KLHL7: variants seen among roughly 807,000 people sequenced by gnomAD.
The protein encoded by KLHL7 is kelch-like protein 7.
KLHL7 carries 44 observed loss-of-function variants against 67.4 expected under a neutral mutation model. The observed-to-expected ratio is 0.65, with a 90% CI of 0.51 to 0.84. The LOEUF (loss-of-function observed/expected upper bound fraction) is 0.84. Among genes scored for constraint, KLHL7 ranks in the 40% least tolerant of loss-of-function variants. The pLI is 0.00. For missense variants in KLHL7, 362 were observed against 718.1 expected (o/e 0.50, Z 5.67); for synonymous variants, 252 against 243.3 (o/e 1.04, Z -0.33).
chr7:23,143,559 C>T (rs1042606847), intron 5 of KLHL7, among the ~76,000 whole-genome samples: 8 of 149,354 alleles, frequency 5.4e-5, no homozygotes, highest in Non-Finnish European at 8.9e-5. Flanking sequence ...CAATGTATAT[C>T]ATGTCTTTGT....
chr7:23,151,954 TATC>T lies in KLHL7; in HGVS notation c.794-110_794-108del. 4.1e-6 allele frequency: 4 copies of T among 971,414 alleles called. No individual in the cohort carries two copies. The South Asian group carries it at 5.4e-5, about 13-fold the overall frequency. The allele number at this position is 971,414 out of a possible 1,614,324, so 60.2% of individuals were successfully genotyped here. ...TCACTTTCCTCAAATGCTATAGAGA[TATC>T]ATAAAAGTAAGTTACTGAAATAAAG... is the stretch of plus-strand genomic sequence containing the variant. On this transcript the variant is annotated intron_variant, in intron 6 of 10. Coordinates refer to ENST00000339077, the MANE Select transcript of KLHL7 (RefSeq NM_001031710.3).
chr7:23,132,691 G>T (rs947628736), intron 4 of KLHL7, among the ~76,000 whole-genome samples: 1 of 152,158 alleles, frequency 6.6e-6, no homozygotes, highest in East Asian at 1.9e-4. Flanking sequence ...GCCTCTGCTT[G>T]TGGGGTATTG....
chr7:23,140,430 A>G (rs1784136873), intron 4 of KLHL7, among the ~76,000 whole-genome samples: 3 of 152,158 alleles, frequency 2.0e-5, no homozygotes, highest in Non-Finnish European at 1.5e-5. Flanking sequence ...GGTGGCGAGC[A>G]CCTGTAGTCC....
intron 7 of KLHL7, among the ~76,000 whole-genome samples, chr7:23,154,199 C>T (rs1211188960): frequency 3.3e-5 from 5 of 152,004 alleles, no homozygotes. Context: ...ACTAAAAATA[C>T]AAAAAATTGG....
chr7:23,167,029 C>T (rs776042593), intron 8 of KLHL7, among the ~76,000 whole-genome samples: 65 of 151,842 alleles, frequency 4.3e-4, no homozygotes, highest in Non-Finnish European at 8.0e-4. Flanking sequence ...TTAGTTGCAA[C>T]GCAGAATTAT....
intron 4 of KLHL7, among the ~76,000 whole-genome samples, chr7:23,139,338 T>G (rs910913017): frequency 4.6e-5 from 7 of 152,248 alleles, no homozygotes; most frequent in Non-Finnish European, 8.8e-5. Context: ...GTAACATAAT[T>G]TACTATGCTA....
In KLHL7 at chr7:23,143,894, A is replaced by C; in HGVS notation, c.662A>C (p.Asn221Thr). 1 of 1,614,156 alleles carries C rather than the reference A, an allele frequency of 6.2e-7. No homozygotes were observed. Residue 221 changes from asparagine (N) to threonine (T), a missense_variant, in exon 6 of 11, where the codon AAT (asparagine) becomes ACT (threonine). Asn to Thr is a moderately conservative substitution (Grantham distance 65). Transcript: ENST00000339077. ...AGGTGGTTGAAATACGATGAACCTA[A>C]TCGCCAGCCATTTATGGTTGATATC... ...AVRWLKYDEP[N>T]RQPFMVDILA...
At position 23,105,929 on chromosome 7, in the gene KLHL7, G is replaced by C; in HGVS notation, c.-98G>C. ...AGCTGGGCGCTGCAGCTGCACTGCCGATCGCCGTGTTTGGTCGATAGAATC... is the reference window on the plus strand; with the variant it reads ...AGCTGGGCGCTGCAGCTGCACTGCCCATCGCCGTGTTTGGTCGATAGAATC... On this transcript the variant is annotated 5_prime_UTR_variant, in exon 1 of 11. Transcript: ENST00000339077. 2 of 1,527,096 alleles carry C rather than the reference G, an allele frequency of 1.3e-6. No homozygotes were observed. The highest frequency in any genetic ancestry group is 1.8e-6 in the Non-Finnish European group (2 of 1,135,014). The allele number at this position is 1,527,096 out of a possible 1,614,324, so 94.6% of individuals were successfully genotyped here. A position where few individuals can be genotyped will look rare whatever the true frequency, so the allele number is the denominator to read the frequency against.
intron 9 of KLHL7, among the ~76,000 whole-genome samples, chr7:23,168,260 T>C (rs1050770289): frequency 6.6e-6 from 1 of 152,216 alleles, no homozygotes; most frequent in Non-Finnish European, 1.5e-5. Context: ...TCTTTCTTTC[T>C]GGTTCTGCGT....
At chr7:23,155,056 C>T (rs1784658448) in intron 7 of KLHL7, among the ~76,000 whole-genome samples, 1 of 152,200 alleles carries the variant, frequency 6.6e-6, no homozygotes, top group South Asian at 2.1e-4. Context: ...TTGTTAATCA[C>T]CATCATATTT....
intron 8 of KLHL7, among the ~76,000 whole-genome samples, chr7:23,166,662 C>G (rs1785011332): frequency 6.6e-6 from 1 of 152,162 alleles, no homozygotes; most frequent in Non-Finnish European, 1.5e-5. Context: ...AACTATATGT[C>G]AAATGAATAC....
In KLHL7 at chr7:23,140,822, G is replaced by C; in HGVS notation, c.496G>C (p.Asp166His). 1 of 1,613,976 alleles carries C rather than the reference G, an allele frequency of 6.2e-7. No homozygotes were observed. The highest frequency in any genetic ancestry group is 1.1e-5 in the South Asian group (1 of 91,086). ...TTGTCCTGAATTGAAAGCAACTGCA[G>C]ATGACTTTATTCATCAGCACTTTAC... is the stretch of plus-strand genomic sequence containing the variant. The part of the protein sequence containing the change: ...LDCPELKATA[D>H]DFIHQHFTEV... Residue 166 changes from aspartate (D) to histidine (H), a missense_variant, in exon 5 of 11, where the codon GAT becomes CAT. Physicochemically the swap from Asp to His is moderately conservative, Grantham distance 81. Coordinates refer to ENST00000339077, the MANE Select transcript of KLHL7 (RefSeq NM_001031710.3).
chr7:23,146,670 T>TCTTCTTCTTCTTC (rs1562577230), intron 6 of KLHL7, among the ~76,000 whole-genome samples: 6 of 152,056 alleles, frequency 3.9e-5, no homozygotes, highest in African/African-American at 1.4e-4. Flanking sequence ...CTTCTTCTTT[T>TCTTCTTCTTCTTC]TTTTTTAATT....
Position 23,175,972 on chromosome 7 carries a change from A to AAT in KLHL7, c.*1675_*1676insTA, listed in dbSNP as rs1785287596. The AAT allele has an allele frequency of 6.6e-6, 1 of 151,694 alleles. No individual in the cohort carries two copies. The highest frequency in any genetic ancestry group is 1.5e-5 in the Non-Finnish European group (1 of 68,036). The allele number at this position is 151,694 out of a possible 1,614,324, so 9.4% of individuals were successfully genotyped here. ...CAAGACTAAAAAAAAAAAAAAAAAA[A>AAT]AAAAAATGTATTATTCAGTGGTTTT... On this transcript the variant is annotated 3_prime_UTR_variant, in exon 11 of 11. Transcript: ENST00000339077.
At position 23,105,993 on chromosome 7, in the gene KLHL7, G is replaced by A; in HGVS notation, c.-34G>A. ...GAGAGTGCGACCCCTCGCCCGGCCC[G>A]GCGAGCCCCGGGCGTGAACCGAGCT... is the stretch of plus-strand genomic sequence containing the variant. On this transcript the variant is annotated 5_prime_UTR_variant, in exon 1 of 11. Coordinates refer to ENST00000339077, the MANE Select transcript of KLHL7 (RefSeq NM_001031710.3). 1.9e-6 allele frequency: 3 copies of A among 1,602,184 alleles called. No homozygotes were observed. Among genetic ancestry groups the A allele is most frequent in the South Asian group, 1.1e-5 (1 of 88,918 alleles).
At position 23,141,539 on chromosome 7, in the gene KLHL7, G is replaced by A. The variant is rs1784181130; in HGVS notation, c.618+595G>A. On this transcript the variant is annotated intron_variant, in intron 5 of 10. Coordinates refer to ENST00000339077, the MANE Select transcript of KLHL7 (RefSeq NM_001031710.3). ...ATTTTGGACTCTGACCTATAGAACT[G>A]TCAGATAAACTGTCAGAAGTGTAAG... is the stretch of plus-strand genomic sequence containing the variant. Among the ~76,000 whole-genome samples, 5 of 152,240 alleles carry A rather than the reference G, an allele frequency of 3.3e-5. No homozygotes were observed. The South Asian group carries it at 1.0e-3, about 31-fold the overall frequency.
intron 1 of KLHL7, among the ~76,000 whole-genome samples, chr7:23,120,700 G>A (rs1164641659): frequency 2.6e-5 from 4 of 152,128 alleles, no homozygotes; most frequent in African/African-American, 9.7e-5. Context: ...CCAAGTAGCT[G>A]GGACTACAGG....
intron 2 of KLHL7, 125 bp downstream of exon 2, chr7:23,124,004 G>C (rs1270500955): frequency 4.1e-6 from 3 of 724,230 alleles, no homozygotes; most frequent in African/African-American, 3.6e-5. Context: ...GAACAGTGAA[G>C]AGATTGAAAA....
intron 1 of KLHL7, chr7:23,117,876 G>A (rs762817149): frequency 1.9e-6 from 3 of 1,613,624 alleles, no homozygotes; most frequent in Admixed American, 1.7e-5. Flanking sequence ...TCTACAATCT[G>A]CTCAGGGATT....
Sources: allele counts gnomAD v4.1 joint callset (sites outside exome capture counted in the v4.1 genomes callset), GRCh38; gene constraint gnomAD v4.1.1; transcripts MANE v1.5; gene names NCBI Gene and HGNC (gene_info 2026-07-23, HGNC 2026-07-21).